The following DLGAP2 variants were observed in gnomAD, a reference collection of about 807,000 sequenced individuals.
The protein encoded by DLGAP2 is DLG associated protein 2, also known as disks large-associated protein 2.
DLGAP2 carries 26 observed loss-of-function variants against 100.3 expected under a neutral mutation model. The ratio of observed to expected loss-of-function variants is 0.26; its 90% confidence interval spans 0.19 to 0.36. The LOEUF is 0.36. Ranked by LOEUF, DLGAP2 falls within the 10% of genes least tolerant of loss-of-function variation. DLGAP2 has a pLI of 1.00. For missense variants in DLGAP2, 1,858 were observed against 1,453.2 expected, an observed-to-expected ratio of 1.28 and a Z score of -4.53; for synonymous variants, 886 against 630.1, an observed-to-expected ratio of 1.41 and a Z score of -6.08.
chr8:1,093,044 AGCTGAGGCTGGC>A (rs1804237000), intron 2 of DLGAP2, among the ~76,000 whole-genome samples: 1 of 107,816 alleles, frequency 9.3e-6, no homozygotes, highest in African/African-American at 3.4e-5. Context: ...CCAGTGCTGC[AGCTGAGGCTGGC>A]AGCTGAGGCT....
intron 4 of DLGAP2, among the ~76,000 whole-genome samples, chr8:1,517,263 G>A (rs767851252): frequency 2.0e-5 from 3 of 152,150 alleles, no homozygotes; most frequent in Non-Finnish European, 4.4e-5. Context: ...CCTCTGTGGG[G>A]TCAGGAGCTT....
intron 2 of DLGAP2, among the ~76,000 whole-genome samples, chr8:1,235,231 G>A (rs1203231121): frequency 1.7e-5 from 2 of 118,686 alleles, no homozygotes; most frequent in African/African-American, 9.0e-5. Context: ...CACATGGCAT[G>A]TCTAGTTCTC....
intron 1 of DLGAP2, among the ~76,000 whole-genome samples, chr8:844,008 A>G (rs906653038): frequency 6.6e-6 from 1 of 152,246 alleles, no homozygotes; most frequent in Non-Finnish European, 1.5e-5. Context: ...ATTATTTTGT[A>G]AATGACTTTT....
chr8:762,930 G>T (rs1309121058), intron 1 of DLGAP2, among the ~76,000 whole-genome samples: 1 of 152,178 alleles, frequency 6.6e-6, no homozygotes, highest in Non-Finnish European at 1.5e-5. Flanking sequence ...ACTCACCTCG[G>T]CCTCCCAAAG....
At chr8:942,845 A>G (rs915447863) in intron 2 of DLGAP2, among the ~76,000 whole-genome samples, 1 of 152,238 alleles carries the variant, frequency 6.6e-6, no homozygotes, top group Non-Finnish European at 1.5e-5. Flanking sequence ...GCAAAGGGAA[A>G]AGGTGCACAG....
At chr8:761,559 G>T (rs190770670) in intron 1 of DLGAP2, among the ~76,000 whole-genome samples, 63 of 152,372 alleles carry the variant, frequency 4.1e-4, no homozygotes, top group African/African-American at 1.4e-3. Context: ...GTGGCTGAAA[G>T]GCCAGTGTGG....
chr8:1,318,843 G>C (rs10094132), intron 3 of DLGAP2, among the ~76,000 whole-genome samples: 2 of 142,860 alleles, frequency 1.4e-5, no homozygotes, highest in Non-Finnish European at 3.0e-5. Flanking sequence ...CTGCCGGAAT[G>C]GTCTTCCTAA....
Position 1,704,379 on chromosome 8 carries a change from G to A in DLGAP2, c.*2973G>A, listed in dbSNP as rs566794924. The A allele has an allele frequency of 6.6e-6, 1 of 152,186 alleles. No homozygotes were observed. The highest frequency in any genetic ancestry group is 1.5e-5 in the Non-Finnish European group (1 of 68,028). The allele number at this position is 152,186 out of a possible 1,614,324, so 9.4% of individuals were successfully genotyped here. A position where few individuals can be genotyped will look rare whatever the true frequency, so the allele number is the denominator to read the frequency against. The stretch of plus-strand genomic sequence containing the variant: ...ACACTCTCCTTAGAGCCGACAGGTT[G>A]ATCCTGCTGTGTTGAAGGCTGTGGT... On this transcript the variant is annotated 3_prime_UTR_variant, in exon 15 of 15. Coordinates refer to ENST00000637795, the MANE Select transcript of DLGAP2 (RefSeq NM_001346810.2).
intron 3 of DLGAP2, among the ~76,000 whole-genome samples, chr8:1,318,765 T>C (rs1025231395): frequency 6.9e-5 from 10 of 145,550 alleles, no homozygotes; most frequent in African/African-American, 2.6e-4. Context: ...AACTAATCCA[T>C]TGTCAGTGAT....
chr8:1,381,116 C>CTG (rs1237584305), intron 3 of DLGAP2: 1 of 152,042 alleles, frequency 6.6e-6, no homozygotes, highest in African/African-American at 2.4e-5. Context: ...TGAGGAGTTG[C>CTG]TGTTCGTAAC....
At chr8:1,309,147 C>A (rs557601211) in intron 3 of DLGAP2, among the ~76,000 whole-genome samples, 1 of 151,732 alleles carries the variant, frequency 6.6e-6, no homozygotes, top group East Asian at 1.9e-4. Context: ...ACAAGAGTCT[C>A]CGAAAAGGGA....
At chr8:1,039,560 A>T in intron 2 of DLGAP2, among the ~76,000 whole-genome samples, 1 of 87,152 alleles carries the variant, frequency 1.1e-5, no homozygotes, top group East Asian at 3.3e-4. Flanking sequence ...GTGCGTGGTC[A>T]GCTTGGTGTG....
chr8:1,158,591 C>G (rs1796835366), intron 2 of DLGAP2, among the ~76,000 whole-genome samples: 1 of 152,168 alleles, frequency 6.6e-6, no homozygotes, highest in South Asian at 2.1e-4. Flanking sequence ...TGGACGATAC[C>G]TGTGAAATGA....
At chr8:1,294,068 C>G (rs1800118006) in intron 3 of DLGAP2, among the ~76,000 whole-genome samples, 1 of 152,114 alleles carries the variant, frequency 6.6e-6, no homozygotes, top group Non-Finnish European at 1.5e-5. Context: ...ATGGACTCGC[C>G]CTCGCTTCCT....
intron 12 of DLGAP2, 123 bp from the exon 13 acceptor site, chr8:1,691,412 C>T (rs113560373): frequency 3.5e-5 from 27 of 775,662 alleles, no homozygotes; most frequent in African/African-American, 1.2e-4. Context: ...ACGCTCGGCA[C>T]GATGAAGTCG....
rs558260098 is a variant in DLGAP2, at chr8:1,684,462, T to G, written c.2704+5833T>G. On this transcript the variant is annotated intron_variant, in intron 12 of 14. Coordinates refer to ENST00000637795, the MANE Select transcript of DLGAP2 (RefSeq NM_001346810.2). ...TTATGGTACTTTTTAAAATAAAGAT[T>G]AAATTAAATGTCTTATGAGACTAAA... 5.3e-5 allele frequency among the ~76,000 whole-genome samples: 8 copies of G among 152,240 alleles called. No homozygotes were observed. In the South Asian group the frequency reaches 1.7e-3, roughly 32 times the overall value.
chr8:1,623,120 A>AT, intron 6 of DLGAP2, among the ~76,000 whole-genome samples: 1 of 152,272 alleles, frequency 6.6e-6, no homozygotes, highest in East Asian at 1.9e-4. Context: ...TTTATTTGTT[A>AT]TTTTTTAACT....
At chr8:935,128 C>T (rs1471715917) in intron 2 of DLGAP2, among the ~76,000 whole-genome samples, 4 of 152,360 alleles carry the variant, frequency 2.6e-5, no homozygotes, top group South Asian at 2.1e-4. Context: ...CTGCCATTCC[C>T]GCAGGGGACG....
intron 3 of DLGAP2, among the ~76,000 whole-genome samples, chr8:1,449,049 G>A (rs148775245): frequency 2.6e-5 from 4 of 152,350 alleles, no homozygotes; most frequent in African/African-American, 9.6e-5. Context: ...GTCAGGGACG[G>A]CACATCCCGG....
Sources: allele counts gnomAD v4.1 joint callset (sites outside exome capture counted in the v4.1 genomes callset), GRCh38; gene constraint gnomAD v4.1.1; transcripts MANE v1.5; gene names NCBI Gene and HGNC (gene_info 2026-07-23, HGNC 2026-07-21).